Variants in MRTFB observed in about 807,000 individuals in gnomAD.
MRTFB encodes myocardin-related transcription factor B.
A neutral mutation model predicts 104.2 loss-of-function variants in MRTFB; 29 were observed. That is an observed-to-expected ratio of 0.28 (90% CI 0.21 to 0.38). The LOEUF is 0.38. Ranked by LOEUF, MRTFB falls within the 10% of genes least tolerant of loss-of-function variation. The probability of loss-of-function intolerance (pLI) is 1.00; values close to 1 mark genes in which losing one functional copy is unlikely to be tolerated. For missense variants in MRTFB, 1,270 were observed against 1,341.6 expected (o/e 0.95, Z 0.83); for synonymous variants, 535 against 519.5 (o/e 1.03, Z -0.41).
chr16:14,149,339 A>G (rs772010628), intron 3 of MRTFB: 3 of 152,238 alleles, frequency 2.0e-5, no homozygotes, highest in Non-Finnish European at 4.4e-5. Flanking sequence ...CAAGAAAAGC[A>G]AAAAGTCTGA....
At chr16:14,030,433 A>G in the MRTFB span, among the ~76,000 whole-genome samples, 1 of 152,096 alleles carries the variant, frequency 6.6e-6, no homozygotes, top group Non-Finnish European at 1.5e-5. Flanking sequence ...TCATTTGTCT[A>G]TGGCTCCATT....
At chr16:14,256,189 G>GAAAAAAAAA (rs1231359889) in intron 15 of MRTFB, among the ~76,000 whole-genome samples, 1 of 71,338 alleles carries the variant, frequency 1.4e-5, no homozygotes, top group African/African-American at 1.1e-4. Flanking sequence ...AGAAAAACAG[G>GAAAAAAAAA]ATAACAAAAA....
In MRTFB at chr16:14,262,067, T is replaced by G. The variant is rs1023796960; in HGVS notation, c.*623T>G. The G allele has an allele frequency of 1.3e-5, 2 of 152,248 alleles. No homozygotes were observed. The highest frequency in any genetic ancestry group is 2.9e-5 in the Non-Finnish European group (2 of 68,046). The allele number at this position is 152,248 out of a possible 1,614,324, so 9.4% of individuals were successfully genotyped here. The stretch of plus-strand genomic sequence containing the variant: ...TTTTGTGATTTTTTGGAATCGTACT[T>G]TATATTTCCAAATTTAAATTTAAAT... On this transcript the variant is annotated 3_prime_UTR_variant, in exon 17 of 17. Transcript: ENST00000571589.
At chr16:14,074,985 CCAGA>C (rs1240196102) in intron 1 of MRTFB, among the ~76,000 whole-genome samples, 1 of 152,174 alleles carries the variant, frequency 6.6e-6, no homozygotes, top group Admixed American at 6.5e-5. Context: ...GATAATATAA[CCAGA>C]CAGTTGTATG....
At chr16:14,162,152 CAAAAAAAAAA>C (rs376183467) in intron 3 of MRTFB, among the ~76,000 whole-genome samples, 1 of 62,676 alleles carries the variant, frequency 1.6e-5, no homozygotes, top group Non-Finnish European at 3.9e-5. Flanking sequence ...CCTGTCTCTA[CAAAAAAAAAA>C]AAAAAAAAAA....
the MRTFB span, among the ~76,000 whole-genome samples, chr16:14,009,993 C>A: frequency 3.3e-5 from 5 of 152,134 alleles, no homozygotes; most frequent in African/African-American, 1.2e-4. Context: ...AAAACAGAAA[C>A]CCTCTTCCTT....
At chr16:14,164,892 A>G (rs558526210) in intron 3 of MRTFB, among the ~76,000 whole-genome samples, 10 of 152,032 alleles carry the variant, frequency 6.6e-5, no homozygotes, top group Middle Eastern at 3.4e-3. Flanking sequence ...TAAAATAATT[A>G]TCGAGGGTTA....
chr16:14,219,444 C>T (rs2041586306), intron 8 of MRTFB, among the ~76,000 whole-genome samples: 1 of 152,094 alleles, frequency 6.6e-6, no homozygotes. Context: ...ATTTTTCTCT[C>T]CTTATAGTGC....
chr16:14,221,153 C>T (rs919868694), intron 8 of MRTFB, among the ~76,000 whole-genome samples: 9 of 151,988 alleles, frequency 5.9e-5, no homozygotes, highest in African/African-American at 1.5e-4. Context: ...ACTACAGAGG[C>T]GAACTTTATG....
Position 14,246,847 on chromosome 16 carries a change from T to C in MRTFB, c.1587T>C (p.Ile529=), listed in dbSNP as rs756035278. The C allele has an allele frequency of 6.2e-7, 1 of 1,612,812 alleles. No homozygotes were observed. ...DTNMADTFTE[I]MTMMSPSQFL... ...ACATGGCAGACACTTTCACCGAGAT[T>C]ATGACCATGATGTCGCCTTCACAGT... Residue 529 remains isoleucine (I), a synonymous_variant, in exon 12 of 17, where the codon ATT becomes ATC. Transcript: ENST00000571589.
intron 9 of MRTFB, among the ~76,000 whole-genome samples, chr16:14,235,385 C>T (rs997897381): frequency 5.3e-5 from 8 of 152,270 alleles, no homozygotes; most frequent in Non-Finnish European, 1.2e-4. Flanking sequence ...ACCTCCTCTC[C>T]CAACATCCCC....
chr16:14,238,731 G>T (rs1021211775), intron 9 of MRTFB, among the ~76,000 whole-genome samples: 7 of 152,194 alleles, frequency 4.6e-5, no homozygotes, highest in African/African-American at 1.7e-4. Context: ...ATGTGTCGTA[G>T]AAGTCAGTAA....
At chr16:14,126,358 C>T (rs369704557) in intron 2 of MRTFB, among the ~76,000 whole-genome samples, 1 of 151,998 alleles carries the variant, frequency 6.6e-6, no homozygotes, top group East Asian at 1.9e-4. Flanking sequence ...CTGTATTATG[C>T]CTGGGCTAGG....
At chr16:14,158,224 A>G (rs1332432879) in intron 3 of MRTFB, among the ~76,000 whole-genome samples, 1 of 152,200 alleles carries the variant, frequency 6.6e-6, no homozygotes. Flanking sequence ...TCCACCTACA[A>G]ACAAGGCACT....
At chr16:14,061,998 C>A in the MRTFB span, among the ~76,000 whole-genome samples, 1 of 152,180 alleles carries the variant, frequency 6.6e-6, no homozygotes, top group Non-Finnish European at 1.5e-5. Context: ...CATGCATTAG[C>A]TCAGGGAAGA....
At chr16:14,238,254 A>G (rs1246591806) in intron 9 of MRTFB, among the ~76,000 whole-genome samples, 1 of 152,156 alleles carries the variant, frequency 6.6e-6, no homozygotes, top group Non-Finnish European at 1.5e-5. Context: ...TTAGCTCAAA[A>G]CATCAGTAGA....
chr16:14,109,057 T>C (rs1052763862), intron 2 of MRTFB, among the ~76,000 whole-genome samples: 1 of 152,190 alleles, frequency 6.6e-6, no homozygotes, highest in African/African-American at 2.4e-5. Flanking sequence ...TTAGAAGAAA[T>C]TGATCTTTAA....
intron 2 of MRTFB, among the ~76,000 whole-genome samples, chr16:14,128,620 A>C (rs909066430): frequency 6.6e-6 from 1 of 152,206 alleles, no homozygotes; most frequent in African/African-American, 2.4e-5. Flanking sequence ...AACAGATCTT[A>C]GATATCTTTC....
At chr16:14,162,477 T>C (rs974659245) in intron 3 of MRTFB, among the ~76,000 whole-genome samples, 1 of 152,228 alleles carries the variant, frequency 6.6e-6, no homozygotes, top group East Asian at 1.9e-4. Context: ...GACTGTAAAC[T>C]ACCCAAATGC....
Sources: gnomAD v4.1 joint callset for allele counts (sites outside exome capture counted in the v4.1 genomes callset) on GRCh38, gnomAD v4.1.1 for gene constraint, MANE v1.5 for transcripts, NCBI Gene and HGNC (gene_info 2026-07-23, HGNC 2026-07-21) for gene names.